The following AXDND1 variants were observed in gnomAD, a reference collection of about 807,000 sequenced individuals.
AXDND1 encodes axonemal dynein light chain domain-containing protein 1.
AXDND1 carries 110 observed loss-of-function variants against 137.5 expected under a neutral mutation model. The ratio of observed to expected loss-of-function variants is 0.80; its 90% CI spans 0.69 to 0.94. The LOEUF (loss-of-function observed/expected upper bound fraction) is 0.94, where lower values mean the gene tolerates loss of function less well. AXDND1 is among the 40% of genes least tolerant of loss of function. The pLI is 0.00. For missense variants in AXDND1, 1,191 were observed against 1,169.8 expected (o/e 1.02, Z -0.26); for synonymous variants, 414 against 399.7 (o/e 1.04, Z -0.43).
At chr1:179,470,502 C>T (rs948127595) in intron 17 of AXDND1, among the ~76,000 whole-genome samples, 15 of 152,060 alleles carry the variant, frequency 9.9e-5, no homozygotes, top group African/African-American at 3.6e-4. Context: ...ATAAGCTGTA[C>T]ACTTCTTTTG....
intron 11 of AXDND1, among the ~76,000 whole-genome samples, chr1:179,399,767 AC>A (rs1651669205): frequency 6.6e-6 from 1 of 152,260 alleles, no homozygotes. Flanking sequence ...TGGGCAAAGG[AC>A]ATGAATAGAC....
intron 16 of AXDND1, chr1:179,449,180 C>T (rs949424918): frequency 1.3e-5 from 6 of 450,386 alleles, no homozygotes; most frequent in South Asian, 9.4e-5. Flanking sequence ...TCCACCGCAC[C>T]TGGCCTTGGG....
intron 25 of AXDND1, chr1:179,552,510 C>G: frequency 1.0e-6 from 1 of 973,072 alleles, no homozygotes; most frequent in Non-Finnish European, 1.6e-6. Context: ...TGCCCAGTGC[C>G]TAATGAATGG....
intron 17 of AXDND1, among the ~76,000 whole-genome samples, chr1:179,482,697 T>G (rs1450694975): frequency 2.0e-5 from 3 of 151,842 alleles, no homozygotes; most frequent in Non-Finnish European, 2.9e-5. Flanking sequence ...TTAAGTGGTG[T>G]ATTTAAAAAA....
Position 179,554,555 on chromosome 1 carries a change from T to G in AXDND1, c.*36T>G. The G allele has an allele frequency of 6.2e-7, 1 of 1,614,170 alleles. No individual in the cohort carries two copies. The highest frequency in any genetic ancestry group is 8.5e-7 in the Non-Finnish European group (1 of 1,180,004). ...ACCTGTGGAAAGAAGAATTCAGATG[T>G]CAGTGGGAGCCTCCAGGTGGGAGGA... is the stretch of plus-strand genomic sequence containing the variant. On this transcript the variant is annotated 3_prime_UTR_variant, in exon 26 of 26. Coordinates refer to ENST00000367618, the MANE Select transcript of AXDND1 (RefSeq NM_144696.6).
intron 15 of AXDND1, among the ~76,000 whole-genome samples, chr1:179,444,234 T>G (rs559365920): frequency 6.6e-6 from 1 of 152,268 alleles, no homozygotes; most frequent in South Asian, 2.1e-4. Context: ...ATGGCTGCCC[T>G]ATGATGCAAG....
At chr1:179,477,683 CT>C (rs1315820586) in intron 17 of AXDND1, among the ~76,000 whole-genome samples, 2 of 152,154 alleles carry the variant, frequency 1.3e-5, no homozygotes, top group Non-Finnish European at 2.9e-5. Context: ...CATTTTGCCC[CT>C]GGCCCCTCCC....
intron 11 of AXDND1, among the ~76,000 whole-genome samples, chr1:179,396,945 C>CTCTG (rs963596818): frequency 2.6e-5 from 4 of 152,236 alleles, no homozygotes; most frequent in African/African-American, 7.2e-5. Context: ...CAGCCTGCAA[C>CTCTG]TCTGTGCCTT....
chr1:179,380,590 A>G (rs1305056314), intron 6 of AXDND1, among the ~76,000 whole-genome samples: 1 of 152,208 alleles, frequency 6.6e-6, no homozygotes, highest in Non-Finnish European at 1.5e-5. Context: ...ATTTTCTGAA[A>G]CAACACTTGA....
chr1:179,437,069 GAAA>G (rs35702478), intron 15 of AXDND1, among the ~76,000 whole-genome samples: 12 of 100,774 alleles, frequency 1.2e-4, no homozygotes, highest in African/African-American at 4.5e-4. Flanking sequence ...GACACTCACT[GAAA>G]AAAAAAAAAA....
intron 4 of AXDND1, among the ~76,000 whole-genome samples, chr1:179,371,878 G>A (rs1668073289): frequency 6.6e-6 from 1 of 152,176 alleles, no homozygotes; most frequent in Admixed American, 6.5e-5. Flanking sequence ...AGGGAACAGG[G>A]ATTGCAGTCT....
intron 23 of AXDND1, among the ~76,000 whole-genome samples, chr1:179,529,732 A>AGCG (rs1267637786): frequency 1.3e-5 from 2 of 152,216 alleles, no homozygotes; most frequent in African/African-American, 4.8e-5. Context: ...AGAAAGGGGA[A>AGCG]GCGGCGGTGA....
At chr1:179,553,317 GTAGCATTATTCATAC>G (rs1220075222) in intron 25 of AXDND1, among the ~76,000 whole-genome samples, 1 of 152,222 alleles carries the variant, frequency 6.6e-6, no homozygotes, top group Non-Finnish European at 1.5e-5. Context: ...AATGCTTGCT[GTAGCATTATTCATAC>G]TAGCCAAAAA....
chr1:179,476,555 G>C (rs939424606), intron 17 of AXDND1, among the ~76,000 whole-genome samples: 1 of 103,472 alleles, frequency 9.7e-6, no homozygotes, highest in Non-Finnish European at 2.2e-5. Context: ...CAAATTCTTC[G>C]GTTTTTTTTT....
At position 179,378,649 on chromosome 1, in the gene AXDND1, T is replaced by C. The variant is rs1371722558; in HGVS notation, c.387T>C (p.Phe129=). Reference sequence around the variant, plus strand: ...TCTTACTTTTTAGGGATATTTCTTTTCTGTACGATGTAACATATGCCAAAG... The same window carrying C: ...TCTTACTTTTTAGGGATATTTCTTTCCTGTACGATGTAACATATGCCAAAG... The part of the protein sequence containing the change: ...SLTGAGRDIS[F]LYDVTYAKGQ... Residue 129 remains phenylalanine, a synonymous_variant, in exon 5 of 26, where the codon TTT becomes TTC. Coordinates refer to ENST00000367618, the MANE Select transcript of AXDND1 (RefSeq NM_144696.6). 8.9e-6 allele frequency: 14 copies of C among 1,580,376 alleles called. No individual in the cohort carries two copies. The highest frequency in any genetic ancestry group is 1.1e-5 in the Non-Finnish European group (13 of 1,162,692).
intron 11 of AXDND1, among the ~76,000 whole-genome samples, chr1:179,410,682 T>C (rs1218908488): frequency 6.6e-6 from 1 of 152,246 alleles, no homozygotes; most frequent in Non-Finnish European, 1.5e-5. Flanking sequence ...GTACTAATTA[T>C]GTATAATTAA....
intron 9 of AXDND1, among the ~76,000 whole-genome samples, chr1:179,385,676 G>A (rs1034899958): frequency 4.6e-5 from 7 of 152,144 alleles, no homozygotes; most frequent in African/African-American, 1.4e-4. Flanking sequence ...GGGCCATTGC[G>A]GGGAGACACC....
chr1:179,550,716 T>G, intron 25 of AXDND1: 2 of 201,204 alleles, frequency 9.9e-6, no homozygotes, highest in Non-Finnish European at 1.0e-5. Context: ...TAAGACTTGG[T>G]AGTATCATTG....
chr1:179,505,562 C>A (rs1668455307), intron 20 of AXDND1, among the ~76,000 whole-genome samples: 2 of 151,802 alleles, frequency 1.3e-5, no homozygotes, highest in African/African-American at 2.4e-5. Flanking sequence ...GCAGGAGAAT[C>A]CCTTGAACCC....
Sources: gnomAD v4.1 joint callset for allele counts (sites outside exome capture counted in the v4.1 genomes callset) on GRCh38, gnomAD v4.1.1 for gene constraint, MANE v1.5 for transcripts, NCBI Gene and HGNC (gene_info 2026-07-23, HGNC 2026-07-21) for gene names.